CD200R1L: variants seen among roughly 807,000 people sequenced by gnomAD.
The protein encoded by CD200R1L is cell surface glycoprotein CD200 receptor 2.
Under a neutral mutation model 24.8 loss-of-function variants are expected in CD200R1L, and 14 were observed. The observed-to-expected ratio is 0.56, with a 90% CI of 0.37 to 0.88. The LOEUF (loss-of-function observed/expected upper bound fraction) is 0.88. Among genes scored for constraint, CD200R1L ranks in the 40% least tolerant of loss-of-function variants. CD200R1L has a pLI of 0.00. For synonymous variants in CD200R1L, 111 were observed against 109.2 expected, an observed-to-expected ratio of 1.02 and a Z score of -0.11; for missense variants, 299 against 297.8, an observed-to-expected ratio of 1.00 and a Z score of -0.03.
In CD200R1L at chr3:112,845,812, C is replaced by T; in HGVS notation, c.-220G>A. On this transcript the variant is annotated 5_prime_UTR_variant, in exon 2 of 8. Coordinates refer to ENST00000488794, the MANE Select transcript of CD200R1L (RefSeq NM_001199215.3). Reference sequence around the variant, plus strand: ...CAACAGACTTGGTGAATCTGTTTCTCTTGGTCACTTTTGCTTATTCTGTCT... The same window carrying T: ...CAACAGACTTGGTGAATCTGTTTCTTTTGGTCACTTTTGCTTATTCTGTCT... The T allele has an allele frequency of 9.2e-7, 1 of 1,088,860 alleles. No homozygotes were observed. 67.4% of individuals were successfully genotyped at this position (1,088,860 alleles called of 1,614,324 possible). A position where few individuals can be genotyped will look rare whatever the true frequency, so the allele number is the denominator to read the frequency against.
chr3:112,829,488 C>A (rs1938744862), intron 3 of CD200R1L, 104 bp from the exon 4 acceptor site: 5 of 1,273,800 alleles, frequency 3.9e-6, no homozygotes, highest in Non-Finnish European at 5.4e-6. Context: ...AATTAGTTAA[C>A]CATAACTAAA....
intron 4 of CD200R1L, among the ~76,000 whole-genome samples, chr3:112,827,896 AT>A (rs1938706436): frequency 6.6e-6 from 1 of 152,232 alleles, no homozygotes; most frequent in African/African-American, 2.4e-5. Flanking sequence ...TTTCTCCAGT[AT>A]TATGTATTAT....
chr3:112,816,661 G>C (rs1938400878), intron 7 of CD200R1L, among the ~76,000 whole-genome samples: 1 of 152,112 alleles, frequency 6.6e-6, no homozygotes, highest in Non-Finnish European at 1.5e-5. Flanking sequence ...ATTTCATCTT[G>C]AATTGTAGCT....
Position 112,827,690 on chromosome 3 carries a change from C to G in CD200R1L, c.50-6G>C. On this transcript the variant is annotated splice_region_variant and splice_polypyrimidine_tract_variant and intron_variant, in intron 4 of 7. Coordinates refer to ENST00000488794, the MANE Select transcript of CD200R1L (RefSeq NM_001199215.3). ...TACAGGCTGTGAAATGTTACCTGGA[C>G]ACACACACAAAGGATAATGATATAG... 1 of 1,608,162 alleles carries G rather than the reference C, an allele frequency of 6.2e-7. No individual in the cohort carries two copies. Among genetic ancestry groups the G allele is most frequent in the Non-Finnish European group, 8.5e-7 (1 of 1,176,922 alleles).
intron 2 of CD200R1L, among the ~76,000 whole-genome samples, chr3:112,843,492 C>A (rs779459192): frequency 2.6e-5 from 4 of 152,214 alleles, no homozygotes; most frequent in Non-Finnish European, 5.9e-5. Context: ...GAAATACAAT[C>A]TTTCCTAAGC....
chr3:112,826,901 A>G (rs1478851459), intron 6 of CD200R1L, 92 bp downstream of exon 6: 1 of 1,451,690 alleles, frequency 6.9e-7, no homozygotes, highest in African/African-American at 1.4e-5. Flanking sequence ...AGGAGCTCAA[A>G]TTTTCTTACC....
At chr3:112,822,590 C>T (rs1373093282) in intron 6 of CD200R1L, among the ~76,000 whole-genome samples, 3 of 152,160 alleles carry the variant, frequency 2.0e-5, no homozygotes, top group African/African-American at 7.2e-5. Context: ...AGAGACATCA[C>T]GGAAGCTCCT....
Position 112,827,674 on chromosome 3 carries a change from T to C in CD200R1L, c.60A>G (p.Ser20=), listed in dbSNP as rs776064967. 305 of 1,612,542 alleles carry C rather than the reference T, an allele frequency of 1.9e-4. No homozygotes were observed. The highest frequency in any genetic ancestry group is 2.4e-4 in the Non-Finnish European group (282 of 1,179,392). Residue 20 remains serine, a synonymous_variant, in exon 5 of 8, where the codon TCA becomes TCG. Coordinates refer to ENST00000488794, the MANE Select transcript of CD200R1L (RefSeq NM_001199215.3). ...CATTTATATCCATCAGTACAGGCTG[T>C]GAAATGTTACCTGGACACACACACA... ...YSTIFAEGNI[S]QPVLMDINAV...
At chr3:112,828,532 T>C (rs1209057306) in intron 4 of CD200R1L, among the ~76,000 whole-genome samples, 4 of 152,232 alleles carry the variant, frequency 2.6e-5, no homozygotes, top group Non-Finnish European at 1.5e-5. Context: ...TTGGTGACAT[T>C]GTCAAATATA....
chr3:112,826,149 A>G (rs1576089087), intron 6 of CD200R1L, among the ~76,000 whole-genome samples: 1 of 73,230 alleles, frequency 1.4e-5, no homozygotes, highest in Non-Finnish European at 4.1e-5. Context: ...TAATATGATT[A>G]TATTTAATAT....
Position 112,837,981 on chromosome 3 carries a change from G to C in CD200R1L, c.-57C>G. ...ATTCTCTAACTTTGTATTTCCAGTT[G>C]TGTCATCAGACAGGAATTATTATCT... On this transcript the variant is annotated 5_prime_UTR_variant, in exon 3 of 8. Transcript: ENST00000488794. 1 of 1,240,406 alleles carries C rather than the reference G, an allele frequency of 8.1e-7. No individual in the cohort carries two copies. Among genetic ancestry groups the C allele is most frequent in the Non-Finnish European group, 1.0e-6 (1 of 967,768 alleles). The allele number at this position is 1,240,406 out of a possible 1,614,324, so 76.8% of individuals were successfully genotyped here. A position where few individuals can be genotyped will look rare whatever the true frequency, so the allele number is the denominator to read the frequency against.
intron 4 of CD200R1L, among the ~76,000 whole-genome samples, chr3:112,828,464 A>C (rs896824335): frequency 6.6e-6 from 1 of 152,178 alleles, no homozygotes; most frequent in African/African-American, 2.4e-5. Context: ...GTGGCATATA[A>C]TTTTTAAAAA....
intron 4 of CD200R1L, 46 bp downstream of exon 4, chr3:112,829,273 A>C (rs1938739541): frequency 6.8e-7 from 1 of 1,474,870 alleles, no homozygotes; most frequent in African/African-American, 1.4e-5. Flanking sequence ...ACTGAAGTTC[A>C]ACTTTCCATC....
At position 112,846,515 on chromosome 3, in the gene CD200R1L, G is replaced by A. The variant is rs377658468; in HGVS notation, c.-359+110C>T. On this transcript the variant is annotated intron_variant, in intron 1 of 7. Transcript: ENST00000488794. ...TGGATATACACCTAGGAATTAAATT[G>A]TTGGGTTATAAGATAGTCATATGTG... is the stretch of plus-strand genomic sequence containing the variant. 1.1e-4 allele frequency: 16 copies of A among 152,274 alleles called. No individual in the cohort carries two copies. In the East Asian group the frequency reaches 2.7e-3, roughly 26 times the overall value. 9.4% of individuals were successfully genotyped at this position (152,274 alleles called of 1,614,324 possible). A position where few individuals can be genotyped will look rare whatever the true frequency, so the allele number is the denominator to read the frequency against.
chr3:112,845,743 T>C lies in CD200R1L; in HGVS notation c.-151A>G. 1 of 1,608,430 alleles carries C rather than the reference T, an allele frequency of 6.2e-7. No homozygotes were observed. The highest frequency in any genetic ancestry group is 8.5e-7 in the Non-Finnish European group (1 of 1,175,656). The stretch of plus-strand genomic sequence containing the variant: ...CTGACATCTTCCCTAAAGTATGCTT[T>C]TGGAGTGGTTTTCTACTTAAACATA... On this transcript the variant is annotated 5_prime_UTR_variant, in exon 2 of 8. Transcript: ENST00000488794.
At chr3:112,845,067 A>G (rs1939170448) in intron 2 of CD200R1L, among the ~76,000 whole-genome samples, 1 of 152,202 alleles carries the variant, frequency 6.6e-6, no homozygotes, top group African/African-American at 2.4e-5. Flanking sequence ...TGAGATCCAA[A>G]AATCTATACA....
At chr3:112,842,886 A>G (rs1179236427) in intron 2 of CD200R1L, among the ~76,000 whole-genome samples, 1 of 152,216 alleles carries the variant, frequency 6.6e-6, no homozygotes, top group African/African-American at 2.4e-5. Flanking sequence ...TTATCAAGAC[A>G]ATACATGCAC....
At chr3:112,837,755 G>A (rs1310876601) in intron 3 of CD200R1L, among the ~76,000 whole-genome samples, 187 bp downstream of exon 3, 1 of 146,434 alleles carries the variant, frequency 6.8e-6, no homozygotes, top group Non-Finnish European at 1.5e-5. Context: ...GTGCTACTAA[G>A]AAATCTACAT....
At chr3:112,846,326 T>G (rs4682441) in intron 1 of CD200R1L, among the ~76,000 whole-genome samples, 103,143 of 152,134 alleles carry the variant, frequency 0.68, 35,222 homozygotes, top group African/African-American at 0.76. Context: ...TCTTTGCAAA[T>G]TTCAATTTTT....
Sources: gnomAD v4.1 joint callset for allele counts (sites outside exome capture counted in the v4.1 genomes callset) on GRCh38, gnomAD v4.1.1 for gene constraint, MANE v1.5 for transcripts, NCBI Gene and HGNC (gene_info 2026-07-23, HGNC 2026-07-21) for gene names.